Variants in ADGRL3 observed in about 807,000 individuals in gnomAD.
ADGRL3 encodes the protein calcium-independent alpha-latrotoxin receptor 3.
ADGRL3 carries 62 observed loss-of-function variants against 153.5 expected under a neutral mutation model. The ratio of observed to expected loss-of-function variants is 0.40; its 90% CI spans 0.33 to 0.50. The LOEUF is 0.50. ADGRL3 is among the 20% of genes least tolerant of loss of function. ADGRL3 has a pLI of 0.47. For missense variants in ADGRL3, 1,641 were observed against 1,859.4 expected (o/e 0.88, Z 2.16); for synonymous variants, 710 against 672.5 (o/e 1.06, Z -0.86).
At chr4:62,008,326 AAG>A (rs1402726818) in intron 21 of ADGRL3, among the ~76,000 whole-genome samples, 2 of 152,132 alleles carry the variant, frequency 1.3e-5, no homozygotes, top group Non-Finnish European at 2.9e-5. Context: ...TGATATTGAA[AAG>A]AGAGTAGAAA....
At chr4:62,042,817 A>G (rs953413227) in intron 24 of ADGRL3, among the ~76,000 whole-genome samples, 3 of 152,108 alleles carry the variant, frequency 2.0e-5, no homozygotes, top group South Asian at 2.1e-4. Context: ...AGTGTATGGC[A>G]CAATTAATTA....
intron 5 of ADGRL3, among the ~76,000 whole-genome samples, chr4:61,671,403 A>G (rs2094991617): frequency 6.6e-6 from 1 of 152,184 alleles, no homozygotes; most frequent in Admixed American, 6.5e-5. Context: ...CTTGAATTAA[A>G]CAATATTGCT....
In ADGRL3 at chr4:61,232,533, T is replaced by C. The variant is rs543951237; in HGVS notation, c.-240+30768T>C. Reference sequence around the variant, plus strand: ...CATGTTGGCCAGGCTGGTCTCAAACTCCTGACCTCAAGCGATCCACCTTCC... The same window carrying C: ...CATGTTGGCCAGGCTGGTCTCAAACCCCTGACCTCAAGCGATCCACCTTCC... On this transcript the variant is annotated intron_variant, in intron 1 of 26. Coordinates refer to ENST00000683033, the MANE Select transcript of ADGRL3 (RefSeq NM_001387552.1). 2.0e-5 allele frequency among the ~76,000 whole-genome samples: 3 copies of C among 152,234 alleles called. No homozygotes were observed. In the East Asian group the frequency reaches 5.8e-4, roughly 29 times the overall value.
At chr4:61,494,939 T>C (rs959414306) in intron 2 of ADGRL3, among the ~76,000 whole-genome samples, 7 of 152,206 alleles carry the variant, frequency 4.6e-5, no homozygotes, top group African/African-American at 1.7e-4. Flanking sequence ...GCTAATGCTA[T>C]AGCACCTACC....
intron 6 of ADGRL3, among the ~76,000 whole-genome samples, chr4:61,726,216 T>TTTTTTTTTTTTTTTTTTTTTTTTA (rs1384390790): frequency 6.7e-6 from 1 of 148,838 alleles, no homozygotes; most frequent in Admixed American, 6.8e-5. Context: ...TTTTGTTTTT[T>TTTTTTTTTTTTTTTTTTTTTTTTA]GAGAAGGAGT....
At chr4:61,751,960 A>C (rs1202221773) in intron 8 of ADGRL3, among the ~76,000 whole-genome samples, 1 of 152,170 alleles carries the variant, frequency 6.6e-6, no homozygotes, top group East Asian at 1.9e-4. Flanking sequence ...GAAAGTGATG[A>C]AAGAACGGCA....
intron 2 of ADGRL3, among the ~76,000 whole-genome samples, chr4:61,405,644 A>G (rs921861178): frequency 1.4e-4 from 22 of 151,880 alleles, no homozygotes; most frequent in Admixed American, 1.2e-3. Flanking sequence ...AGTACAGACT[A>G]TGAGATACAG....
intron 5 of ADGRL3, among the ~76,000 whole-genome samples, chr4:61,658,195 G>A (rs1339000516): frequency 1.3e-5 from 2 of 151,958 alleles, no homozygotes; most frequent in African/African-American, 4.8e-5. Flanking sequence ...ATTAAGACTT[G>A]CCAATTTTCC....
At chr4:61,738,416 T>C (rs1453558960) in intron 8 of ADGRL3, among the ~76,000 whole-genome samples, 1 of 152,172 alleles carries the variant, frequency 6.6e-6, no homozygotes, top group Non-Finnish European at 1.5e-5. Context: ...TAATGACCTC[T>C]TTTCCTCTGG....
chr4:61,473,209 TTGTGTG>T (rs35633555), intron 2 of ADGRL3, among the ~76,000 whole-genome samples: 2,642 of 149,196 alleles, frequency 0.018, 24 homozygotes, highest in Middle Eastern at 0.061. Context: ...TTGTATGTGT[TTGTGTG>T]TGTGTGTGTG....
At chr4:61,820,674 T>A (rs2097743717) in intron 9 of ADGRL3, among the ~76,000 whole-genome samples, 3 of 152,208 alleles carry the variant, frequency 2.0e-5, no homozygotes, top group African/African-American at 4.8e-5. Flanking sequence ...GCAAGTAAGA[T>A]CTACATGCTT....
At chr4:61,510,736 A>G (rs913854250) in intron 3 of ADGRL3, among the ~76,000 whole-genome samples, 2 of 152,072 alleles carry the variant, frequency 1.3e-5, no homozygotes, top group Admixed American at 6.5e-5. Context: ...TGCTTTGGCT[A>G]TTGGGGCTCT....
intron 9 of ADGRL3, among the ~76,000 whole-genome samples, chr4:61,856,948 TTCTCTTTCTTTCTTTC>T (rs2098275537): frequency 1.1e-5 from 1 of 88,128 alleles, no homozygotes; most frequent in African/African-American, 4.1e-5. Flanking sequence ...CTCTTTCTTC[TTCTCTTTCTTTCTTTC>T]TTTCTTTCTT....
At chr4:61,969,524 C>G (rs1351810094) in intron 17 of ADGRL3, among the ~76,000 whole-genome samples, 1 of 150,368 alleles carries the variant, frequency 6.7e-6, no homozygotes, top group African/African-American at 2.4e-5. Context: ...CTTTTTTTTT[C>G]AGTATTGTCA....
chr4:61,471,450 C>T (rs1260217551), intron 2 of ADGRL3, among the ~76,000 whole-genome samples: 2 of 150,868 alleles, frequency 1.3e-5, no homozygotes, highest in Non-Finnish European at 3.0e-5. Context: ...AGTTTAAATA[C>T]CAATTTGTTT....
chr4:61,314,243 C>T lies in ADGRL3; in HGVS notation c.-239-68881C>T, dbSNP rs1455591757. 7.5e-5 allele frequency among the ~76,000 whole-genome samples: 11 copies of T among 146,070 alleles called. 1 individual carries two copies. The highest frequency in any genetic ancestry group is 2.8e-4 in the African/African-American group (11 of 39,320). ...TTTTTTTCTGAGATTGAGTTTCGCT[C>T]TTGTTGCCCAGGCTAGAGTGCAATG... On this transcript the variant is annotated intron_variant, in intron 1 of 26. Transcript: ENST00000683033.
chr4:61,379,977 G>A (rs1333004550), intron 1 of ADGRL3, among the ~76,000 whole-genome samples: 3 of 151,830 alleles, frequency 2.0e-5, no homozygotes, highest in African/African-American at 4.8e-5. Flanking sequence ...TCAAATTCTG[G>A]CCTTGCCACT....
At chr4:61,400,819 A>C (rs1482651089) in intron 2 of ADGRL3, among the ~76,000 whole-genome samples, 2 of 3,726 alleles carry the variant, frequency 5.4e-4, no homozygotes, top group East Asian at 0.01. Flanking sequence ...TAAAGTTACA[A>C]AAAAAAAAAA....
intron 6 of ADGRL3, among the ~76,000 whole-genome samples, chr4:61,708,882 C>G (rs1187487974): frequency 6.6e-6 from 1 of 151,894 alleles, no homozygotes; most frequent in Non-Finnish European, 1.5e-5. Context: ...GTGATCTTGG[C>G]TCTTGCTACC....
Sources: allele counts gnomAD v4.1 joint callset (sites outside exome capture counted in the v4.1 genomes callset), GRCh38; gene constraint gnomAD v4.1.1; transcripts MANE v1.5; gene names NCBI Gene and HGNC (gene_info 2026-07-23, HGNC 2026-07-21).